Variants in DICER1 observed in about 807,000 individuals in gnomAD.
DICER1 encodes endoribonuclease Dicer.
A neutral mutation model predicts 194.1 loss-of-function variants in DICER1; 43 were observed. The ratio of observed to expected loss-of-function variants is 0.22; its 90% CI spans 0.17 to 0.29. The LOEUF (loss-of-function observed/expected upper bound fraction) is 0.29, where lower values mean the gene tolerates loss of function less well. DICER1 is among the 10% of genes least tolerant of loss of function. The pLI is 1.00. For synonymous variants in DICER1, 832 were observed against 820.5 expected (o/e 1.01, Z -0.24); for missense variants, 1,608 against 2,317.0 (o/e 0.69, Z 6.28).
At chr14:95,103,055 C>A (rs1253562539) in intron 21 of DICER1, among the ~76,000 whole-genome samples, 1 of 152,234 alleles carries the variant, frequency 6.6e-6, no homozygotes, top group Non-Finnish European at 1.5e-5. Flanking sequence ...GGTGTACACA[C>A]TTGCATAGCT....
At chr14:95,122,925 C>A (rs537690776) in intron 8 of DICER1, among the ~76,000 whole-genome samples, 1 of 151,360 alleles carries the variant, frequency 6.6e-6, no homozygotes. Context: ...CGCGTGTGCG[C>A]GTGCGTGTAC....
intron 24 of DICER1, among the ~76,000 whole-genome samples, chr14:95,092,499 G>C (rs1365691238): frequency 1.3e-5 from 2 of 152,112 alleles, no homozygotes; most frequent in Non-Finnish European, 2.9e-5. Context: ...TTATACTGCT[G>C]ATTACTTAAA....
chr14:95,090,276 A>T lies in DICER1; in HGVS notation c.*222T>A. 1.7e-6 allele frequency: 1 copy of T among 582,896 alleles called. No individual in the cohort carries two copies. The highest frequency in any genetic ancestry group is 3.0e-6 in the Non-Finnish European group (1 of 330,018). 36.1% of individuals were successfully genotyped at this position (582,896 alleles called of 1,614,324 possible). A position where few individuals can be genotyped will look rare whatever the true frequency, so the allele number is the denominator to read the frequency against. On this transcript the variant is annotated 3_prime_UTR_variant, in exon 27 of 27. Transcript: ENST00000343455. ...AAAGCAGAAGTGAGGAAAGAAGATAAGATTGTGTTTGCGCAAAAAACTAAA... is the reference window on the plus strand; with the variant it reads ...AAAGCAGAAGTGAGGAAAGAAGATATGATTGTGTTTGCGCAAAAAACTAAA...
intron 1 of DICER1, among the ~76,000 whole-genome samples, chr14:95,134,024 A>G (rs867457718): frequency 2.6e-5 from 4 of 152,326 alleles, no homozygotes; most frequent in South Asian, 4.1e-4. Flanking sequence ...TTCTTTGTAT[A>G]TTCTATGACG....
At chr14:95,119,549 A>G (rs1232037151) in intron 8 of DICER1, among the ~76,000 whole-genome samples, 3 of 152,240 alleles carry the variant, frequency 2.0e-5, no homozygotes, top group African/African-American at 7.2e-5. Flanking sequence ...AACTGCTTAA[A>G]GAGTTTGTAA....
chr14:95,156,408 T>C (rs1003017570), intron 1 of DICER1, among the ~76,000 whole-genome samples: 1 of 152,130 alleles, frequency 6.6e-6, no homozygotes, highest in Non-Finnish European at 1.5e-5. Context: ...AGCACGGAGT[T>C]AACACTACAC....
chr14:95,132,647 T>C lies in DICER1; in HGVS notation c.175A>G (p.Asn59Asp), dbSNP rs1368593353. 8 of 1,614,030 alleles carry C rather than the reference T, an allele frequency of 5.0e-6. No homozygotes were observed. Among genetic ancestry groups the C allele is most frequent in the Non-Finnish European group, 6.8e-6 (8 of 1,179,956 alleles). The change falls in exon 3 of 27, where the codon AAT (asparagine) becomes GAT (aspartate). Residue 59 changes from asparagine (N) to aspartate (D), a missense_variant. Around this residue, in one of 10 missense-constraint regions of DICER1, gnomAD observed 657 missense variants for 910.1 expected, o/e 0.72. Coordinates refer to ENST00000343455, the MANE Select transcript of DICER1 (RefSeq NM_177438.3). ...VELLEAALDHNTIVCLNTGSG... is the reference protein window; with the variant it reads ...VELLEAALDHDTIVCLNTGSG... ...CCAGTGTTTAAACAGACGATGGTAT[T>C]ATGATCCAGAGCTGCTTCAAGCAGT...
rs1200158670 is a variant in DICER1, at chr14:95,087,477, C to T, written c.*3021G>A. On this transcript the variant is annotated 3_prime_UTR_variant, in exon 27 of 27. Transcript: ENST00000343455. ...AGTTGTGCGAGTATATGACACATTG[C>T]AGGCATTATAATTATCTTTTTCAAA... 1 of 233,024 alleles carries T rather than the reference C, an allele frequency of 4.3e-6. No homozygotes were observed. Among genetic ancestry groups the T allele is most frequent in the Non-Finnish European group, 8.5e-6 (1 of 117,984 alleles). 14.4% of individuals were successfully genotyped at this position (233,024 alleles called of 1,614,324 possible).
intron 7 of DICER1, among the ~76,000 whole-genome samples, chr14:95,125,817 A>G (rs1251972960): frequency 6.9e-6 from 1 of 144,460 alleles, no homozygotes; most frequent in African/African-American, 2.6e-5. Context: ...AGAAAGAGAG[A>G]GAGAGAGGAA....
intron 21 of DICER1, among the ~76,000 whole-genome samples, chr14:95,102,975 A>C (rs1891019692): frequency 6.6e-6 from 1 of 152,198 alleles, no homozygotes; most frequent in Non-Finnish European, 1.5e-5. Context: ...ATAAATGTTT[A>C]ACTCAACAAA....
At chr14:95,123,703 ACCTAGCC>A (rs1893138593) in intron 8 of DICER1, among the ~76,000 whole-genome samples, 1 of 152,188 alleles carries the variant, frequency 6.6e-6, no homozygotes, top group South Asian at 2.1e-4. Context: ...ATCATGCCCA[ACCTAGCC>A]TTGAAAAGTT....
rs543935469 is a variant in DICER1, at chr14:95,138,718, C to CA, written c.-45-5216dup. Among the ~76,000 whole-genome samples, 404 of 146,714 alleles carry CA rather than the reference C, an allele frequency of 2.8e-3. 2 individuals carry two copies. The highest frequency in any genetic ancestry group is 0.01 in the African/African-American group (401 of 39,650). On this transcript the variant is annotated intron_variant, in intron 1 of 26. Transcript: ENST00000343455. The stretch of plus-strand genomic sequence containing the variant: ...GCTTCTCAGTAAACTATCGCAAGAA[C>CA]AAAAAACCAAACACCGCATATTCTC...
chr14:95,133,507 CA>C lies in DICER1; in HGVS notation c.-45-5del. Reference sequence around the variant, plus strand: ...ATTTTTGTTCTAGCACAGCTTACTACAAAAGGGAAAAAGAATACCATTACAC... The same window carrying C: ...ATTTTTGTTCTAGCACAGCTTACTACAAAGGGAAAAAGAATACCATTACAC... On this transcript the variant is annotated splice_region_variant and splice_polypyrimidine_tract_variant and intron_variant, in intron 1 of 26. Transcript: ENST00000343455. The C allele has an allele frequency of 6.4e-7, 1 of 1,571,800 alleles. No individual in the cohort carries two copies. Among genetic ancestry groups the C allele is most frequent in the Non-Finnish European group, 8.7e-7 (1 of 1,155,102 alleles).
rs1555369332 is a variant in DICER1 at position 95,103,529 on chromosome 14, A to G, written c.3867T>C (p.Thr1289=). Residue 1289 remains threonine (T), a synonymous_variant, in exon 21 of 27, where the codon ACT becomes ACC. Coordinates refer to ENST00000343455, the MANE Select transcript of DICER1 (RefSeq NM_177438.3). ...GAATAAGTCCAGGATTGGGGCCAAG[A>G]GTCCTTGAGGAGTACCCAATAGAAG... is the stretch of plus-strand genomic sequence containing the variant. ...QSPSIGYSSR[T]LGPNPGLILQ... 1 of 1,614,080 alleles carries G rather than the reference A, an allele frequency of 6.2e-7. No homozygotes were observed. Among genetic ancestry groups the G allele is most frequent in the Admixed American group, 1.7e-5 (1 of 60,016 alleles).
At position 95,105,798 on chromosome 14, in the gene DICER1, A is replaced by G. The variant is rs755145885; in HGVS notation, c.2988-15T>C. 7 of 1,603,452 alleles carry G rather than the reference A, an allele frequency of 4.4e-6. No homozygotes were observed. The highest frequency in any genetic ancestry group is 2.2e-5 in the East Asian group (1 of 44,820). ...AAAGATTAAGTCTGTAAGAATTCCA[A>G]AACAATTTTATCAAACACACAAAAA... is the stretch of plus-strand genomic sequence containing the variant. On this transcript the variant is annotated splice_polypyrimidine_tract_variant and intron_variant, in intron 18 of 26. Transcript: ENST00000343455. This position sits in a 1 kb window ranked among gnomAD's most constrained non-coding sequence, Gnocchi z 4.9.
At chr14:95,129,917 T>A in intron 5 of DICER1, 141 bp downstream of exon 5, 1 of 737,410 alleles carries the variant, frequency 1.4e-6, no homozygotes, top group Non-Finnish European at 2.2e-6. Flanking sequence ...TGAACATTAA[T>A]TTAATATTCA....
At position 95,103,249 on chromosome 14, in the gene DICER1, A is replaced by G. The variant is rs1891051907; in HGVS notation, c.4050+97T>C. On this transcript the variant is annotated intron_variant, in intron 21 of 26. Coordinates refer to ENST00000343455, the MANE Select transcript of DICER1 (RefSeq NM_177438.3). ...TTGGCCGGTGTAGCAATTTCTGAGC[A>G]TGATACGTTCTCATCCTCTGAGATT... 3.7e-6 allele frequency: 5 copies of G among 1,341,840 alleles called. No homozygotes were observed. The South Asian group carries it at 5.9e-5, about 16-fold the overall frequency. The allele number at this position is 1,341,840 out of a possible 1,614,324, so 83.1% of individuals were successfully genotyped here.
At position 95,153,181 on chromosome 14, in the gene DICER1, C is replaced by T. The variant is rs190431863; in HGVS notation, c.-46+4049G>A. Among the ~76,000 whole-genome samples, 80 of 150,292 alleles carry T rather than the reference C, an allele frequency of 5.3e-4. No individual in the cohort carries two copies. In the East Asian group the frequency reaches 0.015, roughly 28 times the overall value. On this transcript the variant is annotated intron_variant, in intron 1 of 26. Coordinates refer to ENST00000343455, the MANE Select transcript of DICER1 (RefSeq NM_177438.3). ...GCCGTGAGCTGAGATCGCACCACTGCACTCCAGCCTGGGCAACGTAGTGAG... is the reference window on the plus strand; with the variant it reads ...GCCGTGAGCTGAGATCGCACCACTGTACTCCAGCCTGGGCAACGTAGTGAG...
At chr14:95,145,199 T>C (rs1895055036) in intron 1 of DICER1, among the ~76,000 whole-genome samples, 1 of 152,226 alleles carries the variant, frequency 6.6e-6, no homozygotes, top group Non-Finnish European at 1.5e-5. Context: ...CCCCTGTTAA[T>C]GTCTTTTGTT....
Sources: allele counts gnomAD v4.1 joint callset (sites outside exome capture counted in the v4.1 genomes callset), GRCh38; gene constraint gnomAD v4.1.1; regional missense constraint gnomAD v4.1.1; non-coding constraint Gnocchi (gnomAD v3.1); transcripts MANE v1.5; gene names NCBI Gene and HGNC (gene_info 2026-07-23, HGNC 2026-07-21).